ARHGAP5: variants seen among roughly 807,000 people sequenced by gnomAD.
ARHGAP5 encodes Rho GTPase activating protein 5.
Under a neutral mutation model 116.6 loss-of-function variants are expected in ARHGAP5, and 23 were observed. The observed-to-expected ratio is 0.20, with a 90% confidence interval of 0.14 to 0.28. The LOEUF is 0.28. Among genes scored for constraint, ARHGAP5 ranks in the 10% least tolerant of loss-of-function variants. ARHGAP5 has a pLI of 1.00. For synonymous variants in ARHGAP5, 574 were observed against 602.0 expected (o/e 0.95, Z 0.68); for missense variants, 1,405 against 1,774.8 (o/e 0.79, Z 3.74).
rs181826850 is a variant in ARHGAP5 at position 32,090,210 on chromosome 14, C to A, written c.-168-292C>A. On this transcript the variant is annotated intron_variant, in intron 1 of 6. Coordinates refer to ENST00000345122, the MANE Select transcript of ARHGAP5 (RefSeq NM_001030055.2). ...GAGTGGAAAGGACTAGCTGTTTCTT[C>A]AAACTCATAGGAAGGGGTAATTAGA... Among the ~76,000 whole-genome samples, 17 of 151,996 alleles carry A rather than the reference C, an allele frequency of 1.1e-4. No individual in the cohort carries two copies. The East Asian group carries it at 2.3e-3, about 21-fold the overall frequency.
At chr14:32,103,972 C>A (rs1325944476) in intron 2 of ARHGAP5, among the ~76,000 whole-genome samples, 1 of 152,128 alleles carries the variant, frequency 6.6e-6, no homozygotes, top group Non-Finnish European at 1.5e-5. Flanking sequence ...CATTGTATAA[C>A]AATTGTTTTG....
At chr14:32,152,049 C>T (rs539080924) in intron 5 of ARHGAP5, among the ~76,000 whole-genome samples, 22 of 152,268 alleles carry the variant, frequency 1.4e-4, no homozygotes, top group Admixed American at 1.2e-3. Context: ...TAAGGGAAAC[C>T]GGGCTCCACC....
At chr14:32,135,628 G>T (rs1002136880) in intron 3 of ARHGAP5, among the ~76,000 whole-genome samples, 1 of 152,176 alleles carries the variant, frequency 6.6e-6, no homozygotes, top group African/African-American at 2.4e-5. Flanking sequence ...TCACCATGTT[G>T]GCCAGGCTGG....
At chr14:32,124,919 C>CGA (rs1880063963) in intron 3 of ARHGAP5, among the ~76,000 whole-genome samples, 1 of 151,988 alleles carries the variant, frequency 6.6e-6, no homozygotes, top group East Asian at 1.9e-4. Context: ...GAGTGGAGCC[C>CGA]TAAAACACTA....
intron 3 of ARHGAP5, among the ~76,000 whole-genome samples, chr14:32,123,792 CCTTT>C (rs1880008969): frequency 1.3e-5 from 2 of 152,040 alleles, no homozygotes; most frequent in Non-Finnish European, 2.9e-5. Context: ...TCAGTTTGGT[CCTTT>C]CTAAGATGGA....
intron 6 of ARHGAP5, among the ~76,000 whole-genome samples, chr14:32,153,603 G>T (rs1421654057): frequency 6.7e-6 from 1 of 149,700 alleles, no homozygotes; most frequent in African/African-American, 2.5e-5. Flanking sequence ...CTCCCGAGTA[G>T]CTGGGATTAC....
intron 3 of ARHGAP5, among the ~76,000 whole-genome samples, chr14:32,119,348 T>C (rs946597640): frequency 6.6e-6 from 1 of 152,142 alleles, no homozygotes. Context: ...TTATAGATCC[T>C]TAGATGTAGT....
intron 2 of ARHGAP5, among the ~76,000 whole-genome samples, chr14:32,096,351 G>T (rs1014657801): frequency 1.3e-5 from 2 of 152,164 alleles, no homozygotes; most frequent in East Asian, 1.9e-4. Flanking sequence ...TAGGCATTCA[G>T]TTGTAAAGTG....
intron 2 of ARHGAP5, among the ~76,000 whole-genome samples, chr14:32,109,515 C>G (rs914992306): frequency 1.3e-5 from 2 of 151,912 alleles, no homozygotes; most frequent in African/African-American, 4.8e-5. Context: ...GGCCTGTTAT[C>G]AGATTATTTT....
At chr14:32,096,930 T>G (rs1440229549) in intron 2 of ARHGAP5, among the ~76,000 whole-genome samples, 1 of 152,222 alleles carries the variant, frequency 6.6e-6, no homozygotes, top group Non-Finnish European at 1.5e-5. Context: ...ACCTCAATTT[T>G]GAAATCGACT....
At chr14:32,101,751 A>G (rs1048541068) in intron 2 of ARHGAP5, among the ~76,000 whole-genome samples, 6 of 152,104 alleles carry the variant, frequency 3.9e-5, no homozygotes, top group Non-Finnish European at 8.8e-5. Context: ...TGGGAGGGCA[A>G]GGCAGGCAGA....
chr14:32,091,961 A>T lies in ARHGAP5; in HGVS notation c.1292A>T (p.Lys431Met). The T allele has an allele frequency of 6.2e-7, 1 of 1,613,744 alleles. No homozygotes were observed. The highest frequency in any genetic ancestry group is 8.5e-7 in the Non-Finnish European group (1 of 1,179,706). The change falls in exon 2 of 7, where the codon AAG becomes ATG. Residue 431 changes from lysine (K) to methionine (M), a missense_variant. Physicochemically the swap from Lys to Met is moderately conservative, Grantham distance 95. Transcript: ENST00000345122. ...TCCGAGAAGAGGAGGGTGGAAATGA[A>T]GGAAAAATTCAAAAAGACTTTGGAA... ...LISEKRRVEM[K>M]EKFKKTLEKI...
At chr14:32,134,817 A>T (rs915300272) in intron 3 of ARHGAP5, among the ~76,000 whole-genome samples, 3 of 152,200 alleles carry the variant, frequency 2.0e-5, no homozygotes, top group African/African-American at 7.2e-5. Flanking sequence ...ATTTATAGCC[A>T]TTCCGTTTAC....
rs953387825 is a variant in ARHGAP5 at position 32,157,009 on chromosome 14, C to T, written c.*2061C>T. 10 of 152,396 alleles carry T rather than the reference C, an allele frequency of 6.6e-5. No individual in the cohort carries two copies. The highest frequency in any genetic ancestry group is 3.4e-3 in the Middle Eastern group (1 of 294). 9.4% of individuals were successfully genotyped at this position (152,396 alleles called of 1,614,324 possible). A position where few individuals can be genotyped will look rare whatever the true frequency, so the allele number is the denominator to read the frequency against. On this transcript the variant is annotated 3_prime_UTR_variant, in exon 7 of 7. Transcript: ENST00000345122. Reference sequence around the variant, plus strand: ...ACTGTATTAATTTAATGTTCATCTGCGTTTAGTACCATTTTTGTTATTAAA... The same window carrying T: ...ACTGTATTAATTTAATGTTCATCTGTGTTTAGTACCATTTTTGTTATTAAA...
Position 32,090,580 on chromosome 14 carries a change from T to C in ARHGAP5, c.-90T>C. On this transcript the variant is annotated 5_prime_UTR_variant, in exon 2 of 7. Coordinates refer to ENST00000345122, the MANE Select transcript of ARHGAP5 (RefSeq NM_001030055.2). ...CAAAGAACCAAATACAGTTCTGAAA[T>C]TTGGGATCTGTATTTTGAGATGATT... The C allele has an allele frequency of 8.4e-7, 1 of 1,195,992 alleles. No homozygotes were observed. The highest frequency in any genetic ancestry group is 1.5e-5 in the South Asian group (1 of 64,976). 74.1% of individuals were successfully genotyped at this position (1,195,992 alleles called of 1,614,324 possible).
chr14:32,086,586 G>A (rs999607550), intron 1 of ARHGAP5, among the ~76,000 whole-genome samples: 1 of 152,018 alleles, frequency 6.6e-6, no homozygotes, highest in Non-Finnish European at 1.5e-5. Flanking sequence ...TAATTTAAAA[G>A]CATAAAATAT....
At chr14:32,125,118 T>C (rs892251917) in intron 3 of ARHGAP5, among the ~76,000 whole-genome samples, 1 of 152,148 alleles carries the variant, frequency 6.6e-6, no homozygotes, top group Non-Finnish European at 1.5e-5. Context: ...TCCAGAACAT[T>C]TTCATTTACC....
At chr14:32,140,097 C>CTTTTTTTTTTTTTTTTTTTT in intron 3 of ARHGAP5, among the ~76,000 whole-genome samples, 1 of 25,394 alleles carries the variant, frequency 3.9e-5, no homozygotes, top group Non-Finnish European at 7.3e-5. Context: ...GTTATTTGTT[C>CTTTTTTTTTTTTTTTTTTTT]TTTTTTTTTT....
intron 2 of ARHGAP5, among the ~76,000 whole-genome samples, chr14:32,096,937 G>T (rs1431822782): frequency 6.6e-6 from 1 of 152,090 alleles, no homozygotes; most frequent in Non-Finnish European, 1.5e-5. Flanking sequence ...TTTTGAAATC[G>T]ACTAACCTCT....
Sources: gnomAD v4.1 joint callset for allele counts (sites outside exome capture counted in the v4.1 genomes callset) on GRCh38, gnomAD v4.1.1 for gene constraint, MANE v1.5 for transcripts, NCBI Gene and HGNC (gene_info 2026-07-23, HGNC 2026-07-21) for gene names.